The following KIR3DL1 variants were observed in gnomAD, a reference collection of about 807,000 sequenced individuals.
KIR3DL1 encodes the protein killer cell immunoglobulin like receptor, three Ig domains and long cytoplasmic tail 1.
In KIR3DL1, 50 loss-of-function variants were observed where a neutral mutation model predicts 40.3. The ratio of observed to expected loss-of-function variants is 1.24; its 90% CI spans 0.99 to 1.57. The LOEUF (loss-of-function observed/expected upper bound fraction) is 1.57. Ranked by LOEUF, KIR3DL1 falls within the 40% of genes most tolerant of loss-of-function variation. The pLI is 0.00. For missense variants in KIR3DL1, 661 were observed against 559.9 expected (o/e 1.18, Z -1.82); for synonymous variants, 257 against 207.2 (o/e 1.24, Z -2.07).
chr19:54,822,301 C>G (rs1440966765), intron 5 of KIR3DL1, among the ~76,000 whole-genome samples: 3 of 151,226 alleles, frequency 2.0e-5, no homozygotes, highest in Non-Finnish European at 2.9e-5. Flanking sequence ...CCACCTTTAC[C>G]ATTTTTAAAA....
intron 6 of KIR3DL1, among the ~76,000 whole-genome samples, chr19:54,827,928 A>ATG (rs1569466632): frequency 4.7e-5 from 7 of 149,422 alleles, no homozygotes; most frequent in South Asian, 2.1e-4. Context: ...CACCTGTGGA[A>ATG]ATACAGATAG....
chr19:54,819,588 A>C, intron 3 of KIR3DL1, 125 bp from the exon 4 acceptor site: 3 of 1,188,682 alleles, frequency 2.5e-6, no homozygotes, highest in Non-Finnish European at 3.5e-6. Flanking sequence ...GGCACAGAAA[A>C]GACACGGAGA....
chr19:54,820,202 A>G (rs671925), intron 4 of KIR3DL1, among the ~76,000 whole-genome samples, 190 bp downstream of exon 4: 30,254 of 151,134 alleles, frequency 0.2, 3,420 homozygotes, highest in South Asian at 0.32. Flanking sequence ...GTCATAACAG[A>G]GGACAGACAC....
At chr19:54,823,405 A>G (rs1441126813) in intron 5 of KIR3DL1, among the ~76,000 whole-genome samples, 1 of 151,278 alleles carries the variant, frequency 6.6e-6, no homozygotes, top group Non-Finnish European at 1.5e-5. Context: ...CATTCCTACC[A>G]ACAGGGTACC....
Sources: allele counts gnomAD v4.1 joint callset (sites outside exome capture counted in the v4.1 genomes callset), GRCh38; gene constraint gnomAD v4.1.1; transcripts MANE v1.5; gene names NCBI Gene and HGNC (gene_info 2026-07-23, HGNC 2026-07-21).